The following ADGRB3 variants were observed in gnomAD, a reference collection of about 807,000 sequenced individuals.
ADGRB3 encodes adhesion G protein-coupled receptor B3.
Under a neutral mutation model 193.4 loss-of-function variants are expected in ADGRB3, and 37 were observed. The ratio of observed to expected loss-of-function variants is 0.19; its 90% CI spans 0.15 to 0.25. The LOEUF is 0.25. Among genes scored for constraint, ADGRB3 ranks in the 10% least tolerant of loss-of-function variants. The probability of loss-of-function intolerance (pLI) is 1.00; values close to 1 mark genes in which losing one functional copy is unlikely to be tolerated. For synonymous variants in ADGRB3, 690 were observed against 644.2 expected (o/e 1.07, Z -1.08); for missense variants, 1,637 against 1,852.9 (o/e 0.88, Z 2.14).
intron 3 of ADGRB3, among the ~76,000 whole-genome samples, chr6:68,704,842 C>T (rs1267900251): frequency 6.6e-6 from 1 of 152,132 alleles, no homozygotes; most frequent in African/African-American, 2.4e-5. Flanking sequence ...ATGAAACAAA[C>T]AGTCTTTGAA....
intron 3 of ADGRB3, among the ~76,000 whole-genome samples, chr6:68,761,177 C>T (rs1766388253): frequency 6.6e-6 from 1 of 152,126 alleles, no homozygotes; most frequent in African/African-American, 2.4e-5. Flanking sequence ...GGATCACATA[C>T]CCTGTTAAGG....
chr6:68,870,498 G>A (rs571720410), intron 3 of ADGRB3, among the ~76,000 whole-genome samples: 65 of 152,170 alleles, frequency 4.3e-4, no homozygotes, highest in African/African-American at 1.3e-3. Context: ...ATCTCAGACC[G>A]TTTGCTAAAT....
chr6:69,290,414 C>T (rs759545545), intron 20 of ADGRB3, among the ~76,000 whole-genome samples: 66 of 151,920 alleles, frequency 4.3e-4, no homozygotes, highest in Non-Finnish European at 7.2e-4. Context: ...AACATTAACC[C>T]TTGAGGGATG....
intron 3 of ADGRB3, among the ~76,000 whole-genome samples, chr6:68,760,345 A>G (rs1437180028): frequency 6.6e-6 from 1 of 152,214 alleles, no homozygotes; most frequent in East Asian, 1.9e-4. Flanking sequence ...AATTTCTAGT[A>G]GCTAGTTGGA....
rs752625602 is a variant in ADGRB3 at position 68,840,369 on chromosome 6, C to CTTTTTTTTTTTTTTTTTT, written c.758-90168_758-90151dup. On this transcript the variant is annotated intron_variant, in intron 3 of 31. Coordinates refer to ENST00000370598, the MANE Select transcript of ADGRB3 (RefSeq NM_001704.3). Reference sequence around the variant, plus strand: ...GCAGTGGAGTAAGGCACTGGGCAGTCTTTTTTTTTTTTTTTTTTTTTTTTT... The same window carrying CTTTTTTTTTTTTTTTTTT: ...GCAGTGGAGTAAGGCACTGGGCAGTCTTTTTTTTTTTTTTTTTTTTTTTTTTTTTTTTTTTTTTTTTTT... Among the ~76,000 whole-genome samples the CTTTTTTTTTTTTTTTTTT allele has an allele frequency of 5.8e-5, 4 of 69,426 alleles. 1 individual carries two copies. The highest frequency in any genetic ancestry group is 3.7e-4 in the Admixed American group (2 of 5,432). The allele number at this position is 69,426 out of a possible 152,430, so 45.5% of individuals were successfully genotyped here. A position where few individuals can be genotyped will look rare whatever the true frequency, so the allele number is the denominator to read the frequency against.
intron 17 of ADGRB3, among the ~76,000 whole-genome samples, chr6:69,175,126 G>A (rs1775386465): frequency 6.6e-6 from 1 of 151,986 alleles, no homozygotes; most frequent in Non-Finnish European, 1.5e-5. Context: ...GAACTCACTT[G>A]TCAGTTTTTG....
rs867474116 is a variant in ADGRB3, at chr6:69,223,657, T to C, written c.2481-9633T>C. On this transcript the variant is annotated intron_variant, in intron 17 of 31. Transcript: ENST00000370598. ...TTTTGAATCTCTCTCTCTCTCTTTT[T>C]TTTTTTTTTTTTTTTTTGGCAGAGT... Among the ~76,000 whole-genome samples, 499 of 141,900 alleles carry C rather than the reference T, an allele frequency of 3.5e-3. 2 individuals are homozygous for C. The highest frequency in any genetic ancestry group is 5.1e-3 in the Non-Finnish European group (328 of 64,558). 93.1% of individuals were successfully genotyped at this position (141,900 alleles called of 152,430 possible).
chr6:69,016,381 G>T (rs541171944), intron 12 of ADGRB3, among the ~76,000 whole-genome samples: 3 of 152,004 alleles, frequency 2.0e-5, no homozygotes, highest in African/African-American at 7.2e-5. Context: ...AATCCACTGC[G>T]ATTACAAAGA....
chr6:69,134,391 A>G (rs2150335396), intron 17 of ADGRB3, among the ~76,000 whole-genome samples: 1 of 152,186 alleles, frequency 6.6e-6, no homozygotes, highest in African/African-American at 2.4e-5. Flanking sequence ...GCCACCACAC[A>G]TTACATTGTT....
chr6:69,119,150 A>G (rs1054160770), intron 17 of ADGRB3, among the ~76,000 whole-genome samples: 2 of 152,246 alleles, frequency 1.3e-5, no homozygotes, highest in African/African-American at 4.8e-5. Flanking sequence ...GTCAGAAACT[A>G]TTGACAATTG....
rs575362632 is a variant in ADGRB3 at position 69,022,631 on chromosome 6, T to G, written c.2107+4132T>G. On this transcript the variant is annotated intron_variant, in intron 13 of 31. Coordinates refer to ENST00000370598, the MANE Select transcript of ADGRB3 (RefSeq NM_001704.3). ...TTTGTGCTTTGCTAACCACTCTTTC[T>G]TGATACTGTTCATTCCTTTAAAAAT... 3.2e-4 allele frequency among the ~76,000 whole-genome samples: 49 copies of G among 152,134 alleles called. No individual in the cohort carries two copies. The East Asian group carries it at 8.1e-3, about 25-fold the overall frequency.
At chr6:68,702,128 G>C (rs1442891773) in intron 3 of ADGRB3, among the ~76,000 whole-genome samples, 2 of 151,982 alleles carry the variant, frequency 1.3e-5, no homozygotes, top group Admixed American at 1.3e-4. Context: ...TCTGCTTCTG[G>C]GGAGACTTCA....
At chr6:68,672,150 C>G (rs1768979146) in intron 3 of ADGRB3, among the ~76,000 whole-genome samples, 1 of 150,976 alleles carries the variant, frequency 6.6e-6, no homozygotes, top group South Asian at 2.1e-4. Context: ...AATCCTCTCT[C>G]TTTTTTTTTC....
In ADGRB3 at chr6:69,344,588, C is replaced by T. The variant is rs538575888; in HGVS notation, c.3459+5084C>T. On this transcript the variant is annotated intron_variant, in intron 26 of 31. Transcript: ENST00000370598. ...AGCCAGTAGTGATGAAATAACTAGACAACAATATGTAAAGGGTCCATATTG... is the reference window on the plus strand; with the variant it reads ...AGCCAGTAGTGATGAAATAACTAGATAACAATATGTAAAGGGTCCATATTG... Among the ~76,000 whole-genome samples, 11 of 152,162 alleles carry T rather than the reference C, an allele frequency of 7.2e-5. No homozygotes were observed. In the East Asian group the frequency reaches 2.1e-3, roughly 29 times the overall value.
intron 20 of ADGRB3, among the ~76,000 whole-genome samples, chr6:69,317,967 C>T (rs918469789): frequency 2.6e-5 from 4 of 151,380 alleles, no homozygotes; most frequent in Middle Eastern, 3.4e-3. Context: ...CCAACTAGCC[C>T]GTTGATTCTT....
intron 3 of ADGRB3, among the ~76,000 whole-genome samples, chr6:68,927,765 AG>A (rs1348548498): frequency 6.6e-6 from 1 of 152,160 alleles, no homozygotes; most frequent in Non-Finnish European, 1.5e-5. Context: ...CTGAAAAAAA[AG>A]AATGAATTTT....
At chr6:68,661,380 CAT>C (rs201853123) in intron 3 of ADGRB3, among the ~76,000 whole-genome samples, 837 of 69,078 alleles carry the variant, frequency 0.012, 93 homozygotes, top group African/African-American at 0.014. Context: ...TATGTGTATA[CAT>C]ATATATATGT....
At chr6:69,270,073 A>G (rs1039489309) in intron 20 of ADGRB3, among the ~76,000 whole-genome samples, 11 of 151,864 alleles carry the variant, frequency 7.2e-5, no homozygotes, top group African/African-American at 2.7e-4. Flanking sequence ...CACTTTTTGG[A>G]GTTTGTGGGA....
intron 10 of ADGRB3, among the ~76,000 whole-genome samples, chr6:68,979,653 A>T (rs1768850918): frequency 6.6e-6 from 1 of 151,474 alleles, no homozygotes; most frequent in African/African-American, 2.4e-5. Flanking sequence ...ATACCAGAAA[A>T]AGTAAACATA....
Sources: gnomAD v4.1 joint callset for allele counts (sites outside exome capture counted in the v4.1 genomes callset) on GRCh38, gnomAD v4.1.1 for gene constraint, MANE v1.5 for transcripts, NCBI Gene and HGNC (gene_info 2026-07-23, HGNC 2026-07-21) for gene names.